Variants in ELAPOR2 observed in about 807,000 individuals in gnomAD.
The protein encoded by ELAPOR2 is endosome-lysosome associated apoptosis and autophagy regulator family member 2.
ELAPOR2 carries 89 observed loss-of-function variants against 120.7 expected under a neutral mutation model. The observed-to-expected ratio is 0.74, with a 90% CI of 0.62 to 0.88. The LOEUF is 0.88. Among genes scored for constraint, ELAPOR2 ranks in the 40% least tolerant of loss-of-function variants. ELAPOR2 has a pLI of 0.00. For synonymous variants in ELAPOR2, 444 were observed against 444.9 expected, an observed-to-expected ratio of 1.00 and a Z score of 0.03; for missense variants, 1,134 against 1,251.6, an observed-to-expected ratio of 0.91 and a Z score of 1.42.
At chr7:86,994,883 A>G (rs1046793214) in intron 1 of ELAPOR2, among the ~76,000 whole-genome samples, 44 of 152,260 alleles carry the variant, frequency 2.9e-4, no homozygotes, top group African/African-American at 1.0e-3. Context: ...ATAAGTATCA[A>G]TGTATCTGTT....
intron 18 of ELAPOR2, among the ~76,000 whole-genome samples, chr7:86,899,677 C>T (rs1420200431): frequency 1.3e-5 from 2 of 152,066 alleles, no homozygotes; most frequent in Admixed American, 1.3e-4. Flanking sequence ...TTTTTACATG[C>T]CTATCTTTCC....
At chr7:86,923,548 T>C (rs1015874679) in intron 10 of ELAPOR2, among the ~76,000 whole-genome samples, 1 of 152,082 alleles carries the variant, frequency 6.6e-6, no homozygotes, top group African/African-American at 2.4e-5. Context: ...TTCACTCTTA[T>C]AAATAACTCT....
At chr7:86,883,325 G>A (rs1799511330) in intron 21 of ELAPOR2, among the ~76,000 whole-genome samples, 1 of 152,048 alleles carries the variant, frequency 6.6e-6, no homozygotes, top group Admixed American at 6.6e-5. Context: ...ACATAAATGA[G>A]CATATCTAAG....
intron 21 of ELAPOR2, among the ~76,000 whole-genome samples, chr7:86,887,567 G>T (rs1584305257): frequency 1.3e-5 from 2 of 152,080 alleles, no homozygotes; most frequent in African/African-American, 4.8e-5. Flanking sequence ...AAAGTTGGTA[G>T]CTTTAAAGAC....
At chr7:86,999,327 T>C (rs1383385783) in intron 1 of ELAPOR2, among the ~76,000 whole-genome samples, 4 of 152,142 alleles carry the variant, frequency 2.6e-5, no homozygotes, top group Non-Finnish European at 5.9e-5. Flanking sequence ...TGTATTTTGC[T>C]TTGCTGTAGG....
At chr7:87,010,859 A>G (rs992518197) in intron 1 of ELAPOR2, among the ~76,000 whole-genome samples, 2 of 152,190 alleles carry the variant, frequency 1.3e-5, no homozygotes, top group African/African-American at 2.4e-5. Context: ...AGGAACCACT[A>G]TATACATAAT....
At chr7:86,888,147 G>A (rs1238650588) in intron 21 of ELAPOR2, among the ~76,000 whole-genome samples, 1 of 152,082 alleles carries the variant, frequency 6.6e-6, no homozygotes, top group East Asian at 1.9e-4. Flanking sequence ...CACCTGATGA[G>A]TGCACTGCCC....
intron 1 of ELAPOR2, among the ~76,000 whole-genome samples, chr7:87,021,436 A>C (rs1292543911): frequency 6.6e-6 from 1 of 152,152 alleles, no homozygotes; most frequent in African/African-American, 2.4e-5. Flanking sequence ...ATATACTGCC[A>C]TATCAACACA....
intron 1 of ELAPOR2, among the ~76,000 whole-genome samples, chr7:86,995,137 T>C (rs575303989): frequency 6.6e-6 from 1 of 152,132 alleles, no homozygotes; most frequent in African/African-American, 2.4e-5. Flanking sequence ...GGCAAGACAG[T>C]AGCCAGACAA....
At chr7:87,014,193 T>C (rs1793791366) in intron 1 of ELAPOR2, among the ~76,000 whole-genome samples, 1 of 152,112 alleles carries the variant, frequency 6.6e-6, no homozygotes, top group Non-Finnish European at 1.5e-5. Flanking sequence ...TCAACATTAA[T>C]GAATCAACAA....
At chr7:87,020,700 A>G (rs1219774955) in intron 1 of ELAPOR2, among the ~76,000 whole-genome samples, 1 of 152,136 alleles carries the variant, frequency 6.6e-6, no homozygotes, top group Admixed American at 6.6e-5. Context: ...CACTTTATAC[A>G]TATCCTAAAT....
At chr7:86,995,670 G>A (rs1330042203) in intron 1 of ELAPOR2, among the ~76,000 whole-genome samples, 2 of 152,106 alleles carry the variant, frequency 1.3e-5, no homozygotes, top group Non-Finnish European at 2.9e-5. Context: ...TAGTGATCTG[G>A]AAATGGGACA....
intron 18 of ELAPOR2, 137 bp downstream of exon 18, chr7:86,907,533 C>CA (rs10547506): frequency 0.11 from 53,736 of 500,978 alleles, 2 homozygotes; most frequent in South Asian, 0.15. Context: ...ACATTCCCTA[C>CA]AAAAAAAAAA....
At chr7:86,988,323 A>G (rs1369967587) in intron 1 of ELAPOR2, among the ~76,000 whole-genome samples, 3 of 152,192 alleles carry the variant, frequency 2.0e-5, no homozygotes, top group Non-Finnish European at 4.4e-5. Context: ...GTGCACATGT[A>G]CCCTAGAACT....
At chr7:86,905,397 C>T (rs771898698) in intron 18 of ELAPOR2, among the ~76,000 whole-genome samples, 17 of 151,666 alleles carry the variant, frequency 1.1e-4, no homozygotes, top group Non-Finnish European at 2.2e-4. Context: ...TTCTGATCTC[C>T]GAGCTCCCCC....
At position 86,897,531 on chromosome 7, in the gene ELAPOR2, T is replaced by C; in HGVS notation, c.2660A>G (p.Glu887Gly). 6.2e-7 allele frequency: 1 copy of C among 1,613,072 alleles called. No homozygotes were observed. Among genetic ancestry groups the C allele is most frequent in the Non-Finnish European group, 8.5e-7 (1 of 1,179,416 alleles). Residue 887 changes from glutamate to glycine, a missense_variant, in exon 19 of 22, where the codon GAG becomes GGG. By Grantham distance (98) the Glu-to-Gly change is moderately conservative (BLOSUM62 -2). This residue lies in a region of ELAPOR2 where 831 missense variants were observed against 867.6 expected (regional missense o/e 0.96). Transcript: ENST00000450689. ...LCTEHDFHEI[E>G]GACKRGFQET... ...CTGAAATCCTCTCTTGCAGGCTCCCTCAATCTCATGGAAGTCATGCTCCGT... is the reference window on the plus strand; with the variant it reads ...CTGAAATCCTCTCTTGCAGGCTCCCCCAATCTCATGGAAGTCATGCTCCGT...
chr7:86,957,494 T>C (rs1791523955), intron 2 of ELAPOR2, among the ~76,000 whole-genome samples: 1 of 152,212 alleles, frequency 6.6e-6, no homozygotes, highest in Non-Finnish European at 1.5e-5. Flanking sequence ...TAGGAAGAAA[T>C]TCTATAGTTG....
intron 2 of ELAPOR2, among the ~76,000 whole-genome samples, chr7:86,949,617 C>G (rs1307538366): frequency 6.6e-6 from 1 of 152,188 alleles, no homozygotes; most frequent in Non-Finnish European, 1.5e-5. Flanking sequence ...CCAGGAAGAA[C>G]CCCTTCCCCC....
chr7:86,928,173 C>G (rs1323938870), intron 8 of ELAPOR2, among the ~76,000 whole-genome samples: 2 of 151,942 alleles, frequency 1.3e-5, no homozygotes, highest in East Asian at 3.9e-4. Context: ...TCATGATACA[C>G]TTTAACCAGC....
Sources: gnomAD v4.1 joint callset for allele counts (sites outside exome capture counted in the v4.1 genomes callset) on GRCh38, gnomAD v4.1.1 for gene constraint, gnomAD v4.1.1 regional missense constraint, MANE v1.5 for transcripts, NCBI Gene and HGNC (gene_info 2026-07-23, HGNC 2026-07-21) for gene names.